Variants in SLC24A2 observed in about 807,000 individuals in gnomAD.
The protein encoded by SLC24A2 is solute carrier family 24 member 2, also known as sodium/potassium/calcium exchanger 2.
In SLC24A2, 36 loss-of-function variants were observed where a neutral mutation model predicts 62.0. The ratio of observed to expected loss-of-function variants is 0.58; its 90% CI spans 0.44 to 0.77. The LOEUF (loss-of-function observed/expected upper bound fraction) is 0.77. SLC24A2 is among the 30% of genes least tolerant of loss of function. The pLI is 0.00. For synonymous variants in SLC24A2, 358 were observed against 294.0 expected (o/e 1.22, Z -2.23); for missense variants, 846 against 817.9 (o/e 1.03, Z -0.42).
At chr9:20,176,249 T>A in the SLC24A2 span, among the ~76,000 whole-genome samples, 36 of 152,180 alleles carry the variant, frequency 2.4e-4, no homozygotes, top group East Asian at 6.0e-3. Context: ...TTTGCCCCAA[T>A]TGAGCCATTT....
intron 3 of SLC24A2, among the ~76,000 whole-genome samples, chr9:19,620,195 T>C (rs1183063828): frequency 6.6e-6 from 1 of 152,166 alleles, no homozygotes; most frequent in African/African-American, 2.4e-5. Flanking sequence ...TAAATGTATA[T>C]AAATAGGCAT....
chr9:20,270,980 A>G, the SLC24A2 span, among the ~76,000 whole-genome samples: 8 of 152,046 alleles, frequency 5.3e-5, no homozygotes. Flanking sequence ...TTTTAAAAGG[A>G]CCATTTTCTT....
At chr9:19,634,877 C>A (rs1239288167) in intron 2 of SLC24A2, among the ~76,000 whole-genome samples, 1 of 152,080 alleles carries the variant, frequency 6.6e-6, no homozygotes, top group Non-Finnish European at 1.5e-5. Flanking sequence ...TCTTATAAAG[C>A]ATAAAATAAA....
chr9:20,107,423 C>A, the SLC24A2 span, among the ~76,000 whole-genome samples: 5 of 152,086 alleles, frequency 3.3e-5, no homozygotes, highest in Non-Finnish European at 5.9e-5. Context: ...CTGGAGGCAT[C>A]ATGCTACCTG....
chr9:19,995,038 G>A, the SLC24A2 span, among the ~76,000 whole-genome samples: 20 of 151,156 alleles, frequency 1.3e-4, no homozygotes, highest in African/African-American at 4.6e-4. Context: ...TTTGGCGGAT[G>A]GTGAGGGGAT....
At chr9:19,715,021 C>T (rs559307668) in intron 2 of SLC24A2, among the ~76,000 whole-genome samples, 8 of 151,996 alleles carry the variant, frequency 5.3e-5, no homozygotes, top group East Asian at 3.9e-4. Context: ...TTCTAAGGTG[C>T]CTCAACCTTT....
chr9:20,251,476 C>T, the SLC24A2 span, among the ~76,000 whole-genome samples: 3 of 152,144 alleles, frequency 2.0e-5, no homozygotes, highest in Non-Finnish European at 4.4e-5. Flanking sequence ...GTACAATTTG[C>T]ATTTTCTTCA....
the SLC24A2 span, among the ~76,000 whole-genome samples, chr9:19,921,602 T>C: frequency 6.7e-6 from 1 of 149,764 alleles, no homozygotes; most frequent in African/African-American, 2.5e-5. Flanking sequence ...AATTGAAAAA[T>C]AAACCTCATT....
At chr9:20,104,329 C>A in the SLC24A2 span, among the ~76,000 whole-genome samples, 47 of 152,232 alleles carry the variant, frequency 3.1e-4, no homozygotes, top group African/African-American at 1.0e-3. Flanking sequence ...CCAACATTCA[C>A]ATTCAGGAAA....
chr9:19,666,907 T>C (rs1266688904), intron 2 of SLC24A2, among the ~76,000 whole-genome samples: 1 of 152,244 alleles, frequency 6.6e-6, no homozygotes, highest in African/African-American at 2.4e-5. Flanking sequence ...ACAAGTGCTA[T>C]TTATGTGTAC....
rs553501587 is a variant in SLC24A2 at position 19,709,702 on chromosome 9, G to A, written c.930+76235C>T. Among the ~76,000 whole-genome samples, 10 of 142,144 alleles carry A rather than the reference G, an allele frequency of 7.0e-5. No homozygotes were observed. The South Asian group carries it at 1.4e-3, about 20-fold the overall frequency. The allele number at this position is 142,144 out of a possible 152,430, so 93.3% of individuals were successfully genotyped here. A position where few individuals can be genotyped will look rare whatever the true frequency, so the allele number is the denominator to read the frequency against. On this transcript the variant is annotated intron_variant, in intron 2 of 10. Coordinates refer to ENST00000341998, the MANE Select transcript of SLC24A2 (RefSeq NM_020344.4). ...TTCTCACTCATAGGTGCTGAACAATGAGAACACATGGACACAGGAAGGGGA... is the reference window on the plus strand; with the variant it reads ...TTCTCACTCATAGGTGCTGAACAATAAGAACACATGGACACAGGAAGGGGA...
the SLC24A2 span, among the ~76,000 whole-genome samples, chr9:19,806,326 T>C: frequency 6.6e-6 from 1 of 152,102 alleles, no homozygotes; most frequent in South Asian, 2.1e-4. Flanking sequence ...AAAATATGAT[T>C]AGTTGTAGAG....
intron 8 of SLC24A2, among the ~76,000 whole-genome samples, chr9:19,541,894 G>C (rs926202150): frequency 1.3e-5 from 2 of 152,156 alleles, no homozygotes; most frequent in African/African-American, 4.8e-5. Context: ...CCAGGTGTGG[G>C]ATATAGTCTC....
At chr9:19,843,713 G>C in the SLC24A2 span, among the ~76,000 whole-genome samples, 1 of 151,906 alleles carries the variant, frequency 6.6e-6, no homozygotes, top group African/African-American at 2.4e-5. Flanking sequence ...AGTATTTATT[G>C]TTGCCATCTT....
intron 2 of SLC24A2, among the ~76,000 whole-genome samples, chr9:19,742,552 A>G (rs780090519): frequency 1.3e-5 from 2 of 152,152 alleles, no homozygotes; most frequent in African/African-American, 2.4e-5. Context: ...AATCCCCCAT[A>G]CCTGTTCTTA....
chr9:20,209,163 C>T, the SLC24A2 span, among the ~76,000 whole-genome samples: 1 of 152,216 alleles, frequency 6.6e-6, no homozygotes, highest in African/African-American at 2.4e-5. Context: ...TGATTGCTCA[C>T]ACCAGTCAAT....
At chr9:19,526,368 G>T (rs1222220185) in intron 9 of SLC24A2, among the ~76,000 whole-genome samples, 1 of 152,142 alleles carries the variant, frequency 6.6e-6, no homozygotes, top group Admixed American at 6.5e-5. Flanking sequence ...CTATTCCTAG[G>T]AGTGGAATTG....
At chr9:19,591,018 C>A (rs774420061) in intron 5 of SLC24A2, among the ~76,000 whole-genome samples, 1 of 152,304 alleles carries the variant, frequency 6.6e-6, no homozygotes, top group African/African-American at 2.4e-5. Flanking sequence ...TTCTTCCCAC[C>A]TCAGTCTCCT....
chr9:20,096,233 GC>G, the SLC24A2 span, among the ~76,000 whole-genome samples: 1 of 152,166 alleles, frequency 6.6e-6, no homozygotes, highest in African/African-American at 2.4e-5. Context: ...TATAGAGTAT[GC>G]AACCTTGTAT....
Sources: gnomAD v4.1 joint callset for allele counts (sites outside exome capture counted in the v4.1 genomes callset) on GRCh38, gnomAD v4.1.1 for gene constraint, MANE v1.5 for transcripts, NCBI Gene and HGNC (gene_info 2026-07-23, HGNC 2026-07-21) for gene names.